Variants in FRMD3 observed in about 807,000 individuals in gnomAD.
The protein encoded by FRMD3 is FERM domain-containing protein 3.
A neutral mutation model predicts 70.2 loss-of-function variants in FRMD3; 33 were observed. The observed-to-expected ratio is 0.47, with a 90% CI of 0.36 to 0.63. The LOEUF (loss-of-function observed/expected upper bound fraction) is 0.63. Among genes scored for constraint, FRMD3 ranks in the 20% least tolerant of loss-of-function variants. The pLI is 0.00. For synonymous variants in FRMD3, 279 were observed against 255.9 expected, an observed-to-expected ratio of 1.09 and a Z score of -0.86; for missense variants, 632 against 711.4, an observed-to-expected ratio of 0.89 and a Z score of 1.27.
At chr9:83,490,011 G>A (rs899664646) in intron 1 of FRMD3, among the ~76,000 whole-genome samples, 2 of 152,130 alleles carry the variant, frequency 1.3e-5, no homozygotes, top group African/African-American at 4.8e-5. Flanking sequence ...CTGCCCTAGA[G>A]AACTTGAATT....
chr9:83,253,654 G>T (rs59611280), intron 13 of FRMD3, among the ~76,000 whole-genome samples: 16,430 of 152,100 alleles, frequency 0.11, 2,895 homozygotes, highest in African/African-American at 0.37. Flanking sequence ...GGAACACTTT[G>T]ACACTGTTGG....
Position 83,363,765 on chromosome 9 carries a change from A to G in FRMD3, c.295+9148T>C, listed in dbSNP as rs555174511. ...GAGACGGGGTTTCACCATGTTAGCC[A>G]GGATGGTCTCGATCTCCTGACCTCG... On this transcript the variant is annotated intron_variant, in intron 3 of 13. Coordinates refer to ENST00000304195, the MANE Select transcript of FRMD3 (RefSeq NM_174938.6). Among the ~76,000 whole-genome samples the G allele has an allele frequency of 5.2e-3, 790 of 152,238 alleles. 1 individual carries two copies. The highest frequency in any genetic ancestry group is 8.0e-3 in the Non-Finnish European group (544 of 67,998).
rs139448326 is a variant in FRMD3 at position 83,528,410 on chromosome 9, C to T, written c.147+9675G>A. The stretch of plus-strand genomic sequence containing the variant: ...TTTATTTAATTGACATCACTTGGGG[C>T]ACTTGTAACTTATGATCTTGGAGGC... On this transcript the variant is annotated intron_variant, in intron 1 of 13. Transcript: ENST00000304195. Among the ~76,000 whole-genome samples, 415 of 152,142 alleles carry T rather than the reference C, an allele frequency of 2.7e-3. 4 individuals are homozygous for T. The highest frequency in any genetic ancestry group is 9.5e-3 in the African/African-American group (396 of 41,502).
At chr9:83,266,947 T>G (rs933578218) in intron 13 of FRMD3, 1 of 1,490,472 alleles carries the variant, frequency 6.7e-7, no homozygotes, top group African/African-American at 1.4e-5. Context: ...CCACCAGCAG[T>G]GAGCAGGAAG....
intron 1 of FRMD3, among the ~76,000 whole-genome samples, chr9:83,426,431 A>G (rs11140083): frequency 0.27 from 41,856 of 152,216 alleles, 6,637 homozygotes; most frequent in African/African-American, 0.42. Flanking sequence ...TTCTGATACA[A>G]TGTGAGAGGC....
intron 1 of FRMD3, among the ~76,000 whole-genome samples, chr9:83,398,890 A>G (rs542904466): frequency 6.5e-4 from 99 of 152,294 alleles, no homozygotes; most frequent in African/African-American, 2.2e-3. Flanking sequence ...CCCATGAGGG[A>G]AACAAAATCA....
intron 13 of FRMD3, among the ~76,000 whole-genome samples, chr9:83,273,349 T>C (rs1292858145): frequency 1.3e-5 from 2 of 151,044 alleles, no homozygotes; most frequent in Non-Finnish European, 2.9e-5. Flanking sequence ...CCGTGCTCTC[T>C]GAAACATGTG....
At chr9:83,511,800 G>A (rs999181589) in intron 1 of FRMD3, among the ~76,000 whole-genome samples, 1 of 152,168 alleles carries the variant, frequency 6.6e-6, no homozygotes, top group African/African-American at 2.4e-5. Context: ...CCACTCCCAG[G>A]ACCACGTTGA....
chr9:83,294,197 C>T (rs906623689), intron 12 of FRMD3, among the ~76,000 whole-genome samples: 41 of 152,320 alleles, frequency 2.7e-4, no homozygotes, highest in African/African-American at 9.4e-4. Context: ...TTGTTTCCCC[C>T]TTCTGCCATG....
chr9:83,404,664 C>T (rs181263107), intron 1 of FRMD3, among the ~76,000 whole-genome samples: 83 of 152,136 alleles, frequency 5.5e-4, no homozygotes, highest in African/African-American at 1.7e-3. Flanking sequence ...AAAACTCAGA[C>T]GTTTTATGTT....
intron 1 of FRMD3, among the ~76,000 whole-genome samples, chr9:83,495,512 C>T (rs894986093): frequency 6.6e-6 from 1 of 152,112 alleles, no homozygotes; most frequent in African/African-American, 2.4e-5. Context: ...ACGGCAAATA[C>T]AAGAAAATAG....
At chr9:83,418,214 C>T (rs1023028985) in intron 1 of FRMD3, among the ~76,000 whole-genome samples, 4 of 151,964 alleles carry the variant, frequency 2.6e-5, no homozygotes, top group African/African-American at 9.7e-5. Context: ...AGACATCAAC[C>T]TCGGCAAAGA....
At position 83,247,426 on chromosome 9, in the gene FRMD3, CAT is replaced by C. The variant is rs577538648; in HGVS notation, c.*490_*491del. On this transcript the variant is annotated 3_prime_UTR_variant, in exon 14 of 14. Transcript: ENST00000304195. ...AAAATTTACCAAAATAGTTTGAACA[CAT>C]AAAAATATTTTTAAAAAAACAGAAC... The C allele has an allele frequency of 2.7e-3, 2,598 of 977,746 alleles. 7 individuals are homozygous for C. Among genetic ancestry groups the C allele is most frequent in the South Asian group, 3.6e-3 (75 of 21,050 alleles). The allele number at this position is 977,746 out of a possible 1,614,324, so 60.6% of individuals were successfully genotyped here.
At chr9:83,350,983 G>C in intron 3 of FRMD3, 1 of 961,276 alleles carries the variant, frequency 1.0e-6, no homozygotes, top group South Asian at 4.8e-5. Flanking sequence ...TATTTCCATG[G>C]ATTGGACATA....
At chr9:83,508,860 T>C (rs986286417) in intron 1 of FRMD3, among the ~76,000 whole-genome samples, 1 of 152,184 alleles carries the variant, frequency 6.6e-6, no homozygotes, top group Admixed American at 6.5e-5. Flanking sequence ...ACTTGTTGAG[T>C]AGCTGGCTGG....
intron 13 of FRMD3, among the ~76,000 whole-genome samples, chr9:83,250,499 C>T (rs931725200): frequency 6.6e-6 from 1 of 152,164 alleles, no homozygotes; most frequent in Non-Finnish European, 1.5e-5. Flanking sequence ...CCCAGGTAGC[C>T]TCATTCTGTG....
At chr9:83,404,006 C>T (rs1384281206) in intron 1 of FRMD3, among the ~76,000 whole-genome samples, 4 of 152,048 alleles carry the variant, frequency 2.6e-5, no homozygotes, top group Non-Finnish European at 5.9e-5. Context: ...CTGTGACCCA[C>T]ACAGCTCCTG....
chr9:83,408,069 G>T (rs1250639249), intron 1 of FRMD3, among the ~76,000 whole-genome samples: 2 of 149,424 alleles, frequency 1.3e-5, no homozygotes, highest in African/African-American at 2.4e-5. Flanking sequence ...GGTCCAGGCA[G>T]AGGTTGCTTT....
chr9:83,297,881 T>G (rs1185100814), intron 12 of FRMD3: 4 of 469,398 alleles, frequency 8.5e-6, no homozygotes, highest in Non-Finnish European at 1.3e-5. Context: ...GCCATCTGGA[T>G]GCTTCTCCAG....
Sources: allele counts gnomAD v4.1 joint callset (sites outside exome capture counted in the v4.1 genomes callset), GRCh38; gene constraint gnomAD v4.1.1; transcripts MANE v1.5; gene names NCBI Gene and HGNC (gene_info 2026-07-23, HGNC 2026-07-21).